Variants in UBE3C observed in about 807,000 individuals in gnomAD.
UBE3C encodes the protein ubiquitin protein ligase E3C.
A neutral mutation model predicts 129.4 loss-of-function variants in UBE3C; 42 were observed. That is an observed-to-expected ratio of 0.32 (90% CI 0.25 to 0.42). The LOEUF (loss-of-function observed/expected upper bound fraction) is 0.42. UBE3C is among the 10% of genes least tolerant of loss of function. UBE3C has a pLI of 1.00. For missense variants in UBE3C, 1,049 were observed against 1,319.1 expected, an observed-to-expected ratio of 0.80 and a Z score of 3.17; for synonymous variants, 510 against 492.4, an observed-to-expected ratio of 1.04 and a Z score of -0.47.
At chr7:157,223,542 G>A (rs1365631880) in intron 16 of UBE3C, among the ~76,000 whole-genome samples, 191 bp downstream of exon 16, 1 of 144,118 alleles carries the variant, frequency 6.9e-6, no homozygotes, top group Non-Finnish European at 1.5e-5. Context: ...CAAACTGAAA[G>A]TATTTTCTTA....
chr7:157,262,646 C>T (rs990911197), intron 22 of UBE3C, among the ~76,000 whole-genome samples: 6 of 152,046 alleles, frequency 3.9e-5, no homozygotes, highest in Admixed American at 3.9e-4. Flanking sequence ...GTCTCGAACT[C>T]CTGACCTCCG....
chr7:157,233,746 C>T (rs1407670740), intron 18 of UBE3C, among the ~76,000 whole-genome samples: 3 of 152,148 alleles, frequency 2.0e-5, no homozygotes, highest in African/African-American at 7.2e-5. Flanking sequence ...GGGCATATAC[C>T]TAGACATGGA....
chr7:157,265,689 A>G (rs367594881), intron 22 of UBE3C, among the ~76,000 whole-genome samples: 103 of 152,346 alleles, frequency 6.8e-4, no homozygotes, highest in African/African-American at 2.3e-3. Flanking sequence ...ACTGTGTCCA[A>G]TGTGCTCACC....
At chr7:157,155,865 CGTGCACGCT>C (rs1807889124) in intron 1 of UBE3C, among the ~76,000 whole-genome samples, 1 of 151,896 alleles carries the variant, frequency 6.6e-6, no homozygotes, top group Non-Finnish European at 1.5e-5. Flanking sequence ...CAGCAGGGAG[CGTGCACGCT>C]GTCAGGACGA....
chr7:157,185,743 A>T (rs1808787126), intron 9 of UBE3C, among the ~76,000 whole-genome samples: 1 of 152,180 alleles, frequency 6.6e-6, no homozygotes, highest in Non-Finnish European at 1.5e-5. Flanking sequence ...TTATTTTAAA[A>T]TTGTACACTA....
chr7:157,142,713 CA>C (rs1807488556), intron 1 of UBE3C, among the ~76,000 whole-genome samples: 1 of 152,080 alleles, frequency 6.6e-6, no homozygotes, highest in Non-Finnish European at 1.5e-5. Flanking sequence ...GGGACGGGGA[CA>C]AGGGCTGGGA....
intron 6 of UBE3C, among the ~76,000 whole-genome samples, chr7:157,180,784 G>A (rs895146493): frequency 2.0e-5 from 3 of 152,134 alleles, no homozygotes; most frequent in Admixed American, 6.5e-5. Flanking sequence ...TTCAGTTTAC[G>A]TATAAGCTGC....
At chr7:157,177,083 A>T (rs943529123) in intron 5 of UBE3C, among the ~76,000 whole-genome samples, 1 of 152,182 alleles carries the variant, frequency 6.6e-6, no homozygotes. Flanking sequence ...TAGTAGTTAT[A>T]TATTTCACTT....
In UBE3C at chr7:157,204,215, G is replaced by C. The variant is rs372529777; in HGVS notation, c.1418+2408G>C. Among the ~76,000 whole-genome samples, 7 of 152,062 alleles carry C rather than the reference G, an allele frequency of 4.6e-5. No homozygotes were observed. In the East Asian group the frequency reaches 1.4e-3, roughly 29 times the overall value. ...GAATAAAGTTTAAAATGAAATAACT[G>C]ATTTTCTGAAACTGGCACTCAATTT... On this transcript the variant is annotated intron_variant, in intron 11 of 22. Transcript: ENST00000348165.
chr7:157,179,839 G>A (rs756585211), intron 6 of UBE3C, among the ~76,000 whole-genome samples: 2 of 152,112 alleles, frequency 1.3e-5, no homozygotes, highest in Admixed American at 6.5e-5. Context: ...GCTGCTTGGC[G>A]TGTTACTATT....
intron 13 of UBE3C, among the ~76,000 whole-genome samples, chr7:157,216,359 T>TA (rs1795570862): frequency 6.6e-6 from 1 of 152,074 alleles, no homozygotes; most frequent in Non-Finnish European, 1.5e-5. Context: ...TGGGTTTTTT[T>TA]TTTTTTAATA....
intron 11 of UBE3C, among the ~76,000 whole-genome samples, chr7:157,203,757 T>C (rs1428937921): frequency 2.0e-5 from 3 of 152,214 alleles, no homozygotes; most frequent in African/African-American, 7.2e-5. Flanking sequence ...TTTATTAGAA[T>C]GAAGTCCCTC....
intron 18 of UBE3C, among the ~76,000 whole-genome samples, chr7:157,247,912 C>T (rs12530850): frequency 0.18 from 26,906 of 151,742 alleles, 2,649 homozygotes; most frequent in East Asian, 0.36. Context: ...AAATAGGGTC[C>T]AATAGCTGCG....
chr7:157,243,989 T>C (rs912182855), intron 18 of UBE3C, among the ~76,000 whole-genome samples: 2 of 152,160 alleles, frequency 1.3e-5, no homozygotes, highest in Non-Finnish European at 2.9e-5. Flanking sequence ...CCCAGCACTT[T>C]GGGAGGCCGA....
rs766570796 is a variant in UBE3C at position 157,181,585 on chromosome 7, A to G, written c.684A>G (p.Leu228=). The change falls in exon 7 of 23, where the codon TTA becomes TTG. Residue 228 remains leucine (L), a synonymous_variant. Transcript: ENST00000348165. ...KLPSSIEYSD[L]SRVPIAKILL... is the part of the protein sequence containing the mutation. The stretch of plus-strand genomic sequence containing the variant: ...CATCAAGTATTGAATATTCTGATTT[A>G]TCTCGAGTTCCTATAGCAAAAATTT... 5.0e-6 allele frequency: 8 copies of G among 1,613,616 alleles called. No homozygotes were observed. The East Asian group carries it at 1.8e-4, about 36-fold the overall frequency.
At chr7:157,233,847 C>T (rs530400727) in intron 18 of UBE3C, among the ~76,000 whole-genome samples, 1 of 152,312 alleles carries the variant, frequency 6.6e-6, no homozygotes, top group South Asian at 2.1e-4. Flanking sequence ...GACTCCACAT[C>T]GTTGTCAGCA....
At position 157,178,617 on chromosome 7, in the gene UBE3C, TGA is replaced by T. The variant is rs990239146; in HGVS notation, c.459-69_459-68del. On this transcript the variant is annotated intron_variant, in intron 5 of 22. Transcript: ENST00000348165. ...GGAATAGTTTCTTAACCATTGTCAC[TGA>T]GAGTAACTTGGGGAAACTGGTGACA... 246 of 1,486,384 alleles carry T rather than the reference TGA, an allele frequency of 1.7e-4. 1 individual carries two copies. In the African/African-American group the frequency reaches 2.9e-3, roughly 18 times the overall value. The allele number at this position is 1,486,384 out of a possible 1,614,324, so 92.1% of individuals were successfully genotyped here. A position where few individuals can be genotyped will look rare whatever the true frequency, so the allele number is the denominator to read the frequency against.
At chr7:157,175,295 A>G (rs548988985) in intron 5 of UBE3C, among the ~76,000 whole-genome samples, 91 of 152,212 alleles carry the variant, frequency 6.0e-4, no homozygotes, top group South Asian at 3.1e-3. Context: ...TATCTTGTGA[A>G]TGATGGCCAT....
chr7:157,219,089 C>T (rs928720788), intron 14 of UBE3C, among the ~76,000 whole-genome samples: 2 of 152,182 alleles, frequency 1.3e-5, no homozygotes, highest in African/African-American at 2.4e-5. Flanking sequence ...CAGCCTGTTG[C>T]AGGCTCTGGT....
Sources: gnomAD v4.1 joint callset for allele counts (sites outside exome capture counted in the v4.1 genomes callset) on GRCh38, gnomAD v4.1.1 for gene constraint, MANE v1.5 for transcripts, NCBI Gene and HGNC (gene_info 2026-07-23, HGNC 2026-07-21) for gene names.